GLCCI1: variants seen among roughly 807,000 people sequenced by gnomAD.
The protein encoded by GLCCI1 is glucocorticoid induced 1, also known as glucocorticoid-induced transcript 1 protein.
In GLCCI1, 24 loss-of-function variants were observed where a neutral mutation model predicts 52.2. The ratio of observed to expected loss-of-function variants is 0.46; its 90% CI spans 0.33 to 0.65. The LOEUF is 0.65. GLCCI1 is among the 30% of genes least tolerant of loss of function. The probability of loss-of-function intolerance (pLI) is 0.02; values close to 1 mark genes in which losing one functional copy is unlikely to be tolerated. For missense variants in GLCCI1, 704 were observed against 701.5 expected (o/e 1.00, Z -0.04); for synonymous variants, 310 against 276.5 (o/e 1.12, Z -1.20).
In GLCCI1 at chr7:8,081,349, G is replaced by C. The variant is rs1319014828; in HGVS notation, c.1178-3548G>C. Among the ~76,000 whole-genome samples the C allele has an allele frequency of 3.9e-5, 6 of 152,134 alleles. No homozygotes were observed. In the South Asian group the frequency reaches 8.3e-4, roughly 21 times the overall value. ...AAGAACCACTATTCTATTATTGCTT[G>C]TTTTAGAATCAATTTTACTTAATTT... On this transcript the variant is annotated intron_variant, in intron 6 of 7. Coordinates refer to ENST00000223145, the MANE Select transcript of GLCCI1 (RefSeq NM_138426.4).
chr7:8,059,780 C>T (rs1032139601), intron 4 of GLCCI1, among the ~76,000 whole-genome samples: 21 of 152,072 alleles, frequency 1.4e-4, no homozygotes, highest in African/African-American at 4.3e-4. Context: ...ATGCTGTTCC[C>T]GTGAAATAGA....
chr7:7,979,516 C>T (rs1780563784), intron 1 of GLCCI1, among the ~76,000 whole-genome samples: 1 of 152,126 alleles, frequency 6.6e-6, no homozygotes, highest in Non-Finnish European at 1.5e-5. Context: ...TTAGATGAAG[C>T]TTGAAATATT....
chr7:8,005,700 G>T (rs1180557419), intron 2 of GLCCI1, among the ~76,000 whole-genome samples: 1 of 152,104 alleles, frequency 6.6e-6, no homozygotes, highest in Non-Finnish European at 1.5e-5. Context: ...CTAAAAAATG[G>T]TAGCTATTCT....
intron 3 of GLCCI1, among the ~76,000 whole-genome samples, chr7:8,034,478 G>A (rs538489470): frequency 2.0e-5 from 3 of 152,140 alleles, no homozygotes; most frequent in South Asian, 4.2e-4. Flanking sequence ...TTTGATAAAG[G>A]GCTTCTATGT....
chr7:7,984,293 C>T (rs755114990), intron 1 of GLCCI1, among the ~76,000 whole-genome samples: 91 of 152,238 alleles, frequency 6.0e-4, no homozygotes, highest in Admixed American at 3.2e-3. Context: ...CTCCTGGGCT[C>T]AAGGAATCCT....
intron 5 of GLCCI1, among the ~76,000 whole-genome samples, chr7:8,066,850 ATATTC>A (rs1414121080): frequency 6.6e-6 from 1 of 152,000 alleles, no homozygotes; most frequent in Non-Finnish European, 1.5e-5. Context: ...AGAAGAATGT[ATATTC>A]TATTGTTTTG....
chr7:8,078,040 C>T (rs192515330), intron 6 of GLCCI1, among the ~76,000 whole-genome samples: 1 of 151,718 alleles, frequency 6.6e-6, no homozygotes, highest in Non-Finnish European at 1.5e-5. Flanking sequence ...CGAGACCATC[C>T]TGGCTAACAC....
chr7:8,069,117 G>A (rs1782696561), intron 5 of GLCCI1, among the ~76,000 whole-genome samples: 1 of 152,172 alleles, frequency 6.6e-6, no homozygotes, highest in African/African-American at 2.4e-5. Context: ...CAGCCCTGGG[G>A]TGAGCTAAGG....
intron 6 of GLCCI1, among the ~76,000 whole-genome samples, chr7:8,079,807 C>G (rs1201529704): frequency 2.6e-5 from 4 of 151,060 alleles, no homozygotes; most frequent in Non-Finnish European, 5.9e-5. Context: ...AAGTTGAGTC[C>G]CGGTTATTAA....
In GLCCI1 at chr7:8,049,902, A is replaced by T. The variant is rs187961123; in HGVS notation, c.697-5531A>T. 2.1e-3 allele frequency among the ~76,000 whole-genome samples: 325 copies of T among 152,334 alleles called. 1 individual carries two copies. The highest frequency in any genetic ancestry group is 3.1e-3 in the Admixed American group (47 of 15,290). On this transcript the variant is annotated intron_variant, in intron 3 of 7. Transcript: ENST00000223145. The stretch of plus-strand genomic sequence containing the variant: ...TTGAGTTTTTCTCATCTGCAGTATA[A>T]ATTTGAGGCATCAGATGGATTTGTG...
At chr7:8,048,327 G>A (rs1363855867) in intron 3 of GLCCI1, among the ~76,000 whole-genome samples, 1 of 151,858 alleles carries the variant, frequency 6.6e-6, no homozygotes, top group Non-Finnish European at 1.5e-5. Context: ...CTTCTTGGTG[G>A]CCCTCTTAAG....
intron 6 of GLCCI1, among the ~76,000 whole-genome samples, chr7:8,081,950 T>C (rs1179530134): frequency 6.6e-6 from 1 of 152,180 alleles, no homozygotes; most frequent in East Asian, 1.9e-4. Context: ...GCTATGATGT[T>C]AAAAGTCATA....
intron 3 of GLCCI1, among the ~76,000 whole-genome samples, chr7:8,047,003 A>C (rs569746977): frequency 6.7e-6 from 1 of 150,244 alleles, no homozygotes; most frequent in Admixed American, 6.7e-5. Flanking sequence ...AGAAACAGAG[A>C]GGGGGAAAAA....
chr7:8,071,697 A>G (rs558444968), intron 6 of GLCCI1, among the ~76,000 whole-genome samples: 4 of 152,156 alleles, frequency 2.6e-5, no homozygotes, highest in East Asian at 1.9e-4. Context: ...ATGTTCTTCT[A>G]TCCTTGTGTC....
intron 6 of GLCCI1, among the ~76,000 whole-genome samples, chr7:8,083,865 C>T (rs1783046454): frequency 6.6e-6 from 1 of 152,132 alleles, no homozygotes; most frequent in Non-Finnish European, 1.5e-5. Context: ...ATAAAACATT[C>T]TTATTAGTCA....
intron 5 of GLCCI1, among the ~76,000 whole-genome samples, chr7:8,063,358 C>T (rs1687514895): frequency 6.6e-6 from 1 of 151,812 alleles, no homozygotes; most frequent in South Asian, 2.1e-4. Flanking sequence ...GTTGGCCAGG[C>T]TGGTCTTGAA....
chr7:8,086,327 AG>A lies in GLCCI1; in HGVS notation c.1434del (p.Asn479ThrfsTer14), dbSNP rs1205351672. 6.2e-7 allele frequency: 1 copy of A among 1,613,942 alleles called. No homozygotes were observed. The highest frequency in any genetic ancestry group is 8.5e-7 in the Non-Finnish European group (1 of 1,179,958). ...TTACCTGCTTCTGACCTTATGCTCAAGAACTCCCCTAACTCTGGCCAGAGCT... is the reference window on the plus strand; with the variant it reads ...TTACCTGCTTCTGACCTTATGCTCAAAACTCCCCTAACTCTGGCCAGAGCT... ...PLLPASDLML[K>X]NSPNSGQSSA... On this transcript the variant is annotated frameshift_variant, in exon 8 of 8. Transcript: ENST00000223145. LOFTEE classifies it high-confidence loss of function. The surrounding 1 kb of genome is among the most constrained non-coding windows in gnomAD (Gnocchi z 4.4).
rs550610038 is a variant in GLCCI1 at position 7,973,415 on chromosome 7, T to C, written c.457+3608T>C. ...TAGGAAATGCAAATCTTTGTGTGCG[T>C]GTGTGTGTGTGTGTGTGTGTGTGTG... On this transcript the variant is annotated intron_variant, in intron 1 of 7. Coordinates refer to ENST00000223145, the MANE Select transcript of GLCCI1 (RefSeq NM_138426.4). 2.1e-4 allele frequency among the ~76,000 whole-genome samples: 29 copies of C among 139,612 alleles called. No individual in the cohort carries two copies. In the East Asian group the frequency reaches 6.1e-3, roughly 29 times the overall value. 91.6% of individuals were successfully genotyped at this position (139,612 alleles called of 152,430 possible).
intron 3 of GLCCI1, among the ~76,000 whole-genome samples, chr7:8,054,299 G>C (rs903015015): frequency 1.3e-5 from 2 of 152,096 alleles, no homozygotes; most frequent in African/African-American, 4.8e-5. Flanking sequence ...CAGTTCAATA[G>C]AGAGGAAGGC....
Sources: allele counts gnomAD v4.1 joint callset (sites outside exome capture counted in the v4.1 genomes callset), GRCh38; gene constraint gnomAD v4.1.1; non-coding constraint Gnocchi (gnomAD v3.1); transcripts MANE v1.5; gene names NCBI Gene and HGNC (gene_info 2026-07-23, HGNC 2026-07-21).